MYCBP2: variants seen among roughly 807,000 people sequenced by gnomAD.
MYCBP2 encodes MYC binding protein 2, also known as E3 ubiquitin-protein ligase MYCBP2.
MYCBP2 carries 120 observed loss-of-function variants against 525.3 expected under a neutral mutation model. The ratio of observed to expected loss-of-function variants is 0.23; its 90% CI spans 0.20 to 0.27. MYCBP2 has a LOEUF of 0.27. Ranked by LOEUF, MYCBP2 falls within the 10% of genes least tolerant of loss-of-function variation. MYCBP2 has a pLI of 1.00. For missense variants in MYCBP2, 4,149 were observed against 5,657.1 expected (o/e 0.73, Z 8.55); for synonymous variants, 1,894 against 1,955.8 (o/e 0.97, Z 0.83).
chr13:77,168,576 G>T lies in MYCBP2; in HGVS notation c.5966C>A (p.Ala1989Glu). The change falls in exon 40 of 83, where the codon GCA becomes GAA. Residue 1989 changes from alanine (A) to glutamate (E), a missense_variant. Ala to Glu is a moderately radical substitution (Grantham distance 107). Transcript: ENST00000544440. ...PSVAILNQKY[A>E]PPAFNPNQST... is the part of the protein sequence containing the mutation. ...CTGATTAGGGTTGAAGGCAGGCGGT[G>T]CATACTTCTGATTCAAAATGGCAAC... 6.2e-7 allele frequency: 1 copy of T among 1,614,168 alleles called. No individual in the cohort carries two copies. Among genetic ancestry groups the T allele is most frequent in the Non-Finnish European group, 8.5e-7 (1 of 1,180,030 alleles).
intron 2 of MYCBP2, among the ~76,000 whole-genome samples, chr13:77,294,104 C>CTATATATATATATATATATATATA (rs1197370334): frequency 3.3e-4 from 14 of 41,894 alleles, no homozygotes; most frequent in Admixed American, 6.6e-4. Flanking sequence ...GATATAATGG[C>CTATATATATATATATATATATATA]TATATATATA....
intron 47 of MYCBP2, among the ~76,000 whole-genome samples, chr13:77,147,591 T>C (rs2055808380): frequency 6.6e-6 from 1 of 152,076 alleles, no homozygotes; most frequent in Non-Finnish European, 1.5e-5. Flanking sequence ...TTCATAAAAA[T>C]GAATTAGAAA....
Position 77,095,607 on chromosome 13 carries a change from C to T in MYCBP2, c.9955-5G>A, listed in dbSNP as rs369704783. The T allele has an allele frequency of 5.4e-5, 86 of 1,603,404 alleles. No individual in the cohort carries two copies. The highest frequency in any genetic ancestry group is 3.1e-4 in the African/African-American group (23 of 74,328). On this transcript the variant is annotated splice_polypyrimidine_tract_variant and splice_region_variant and intron_variant, in intron 57 of 82. Transcript: ENST00000544440. ...TTTTCTCCTAGATTGTTTGACCTGGCGAAGAAAAAAATCAAACTAATCTTT... is the reference window on the plus strand; with the variant it reads ...TTTTCTCCTAGATTGTTTGACCTGGTGAAGAAAAAAATCAAACTAATCTTT...
rs142132264 is a variant in MYCBP2, at chr13:77,178,998, A to C, written c.5134-1044T>G. Reference sequence around the variant, plus strand: ...TTCAATCGTCTCTGAGGCCAAACTCAAAGTTAACCAAGAAACTTAGAAAGT... The same window carrying C: ...TTCAATCGTCTCTGAGGCCAAACTCCAAGTTAACCAAGAAACTTAGAAAGT... On this transcript the variant is annotated intron_variant, in intron 34 of 82. Transcript: ENST00000544440. Among the ~76,000 whole-genome samples, 161 of 152,326 alleles carry C rather than the reference A, an allele frequency of 1.1e-3. No individual in the cohort carries two copies. In the East Asian group the frequency reaches 0.019, roughly 18 times the overall value.
At chr13:77,155,184 A>T (rs1334469831) in intron 46 of MYCBP2, among the ~76,000 whole-genome samples, 1 of 152,116 alleles carries the variant, frequency 6.6e-6, no homozygotes, top group African/African-American at 2.4e-5. Flanking sequence ...TCATGTAAGC[A>T]ATGTGTTCTT....
intron 8 of MYCBP2, among the ~76,000 whole-genome samples, chr13:77,267,604 A>G (rs1045828030): frequency 6.6e-6 from 1 of 152,128 alleles, no homozygotes; most frequent in Non-Finnish European, 1.5e-5. Flanking sequence ...GTCAGAGATT[A>G]GGCCATAGAC....
intron 26 of MYCBP2, among the ~76,000 whole-genome samples, chr13:77,198,699 T>C (rs1185418049): frequency 6.6e-6 from 1 of 152,230 alleles, no homozygotes; most frequent in Admixed American, 6.5e-5. Flanking sequence ...TGACTCTCAA[T>C]GATTTTTAGT....
chr13:77,215,163 TC>T (rs1408182488), intron 21 of MYCBP2, among the ~76,000 whole-genome samples: 8 of 152,298 alleles, frequency 5.3e-5, no homozygotes, highest in African/African-American at 1.9e-4. Flanking sequence ...ATGTAAATGT[TC>T]TATATATTTT....
intron 37 of MYCBP2, 60 bp downstream of exon 37, chr13:77,174,251 G>C: frequency 6.5e-7 from 1 of 1,535,120 alleles, no homozygotes; most frequent in Non-Finnish European, 8.9e-7. Context: ...TTACCTGGTA[G>C]TAGACTGTGT....
At chr13:77,247,115 T>A (rs1036853387) in intron 15 of MYCBP2, among the ~76,000 whole-genome samples, 1 of 152,066 alleles carries the variant, frequency 6.6e-6, no homozygotes, top group African/African-American at 2.4e-5. Flanking sequence ...CCAGGGCAAT[T>A]GGACAGGAAA....
intron 17 of MYCBP2, among the ~76,000 whole-genome samples, chr13:77,242,308 G>A (rs1040619464): frequency 6.6e-6 from 1 of 152,106 alleles, no homozygotes; most frequent in Non-Finnish European, 1.5e-5. Context: ...TAGTGATGGG[G>A]TTTCACCATG....
chr13:77,270,647 G>C, intron 5 of MYCBP2, 109 bp from the exon 6 acceptor site: 1 of 1,183,400 alleles, frequency 8.5e-7, no homozygotes, highest in Non-Finnish European at 1.2e-6. Context: ...AAATTGTTCA[G>C]AATGATATTT....
At position 77,177,706 on chromosome 13, in the gene MYCBP2, C is replaced by T. The variant is rs748263435; in HGVS notation, c.5340+42G>A. ...TATGACAATGGTAAATCCTGATACACAACCCACTAATCAGGATAAATACTA... is the reference window on the plus strand; with the variant it reads ...TATGACAATGGTAAATCCTGATACATAACCCACTAATCAGGATAAATACTA... On this transcript the variant is annotated intron_variant, in intron 35 of 82. Coordinates refer to ENST00000544440, the MANE Select transcript of MYCBP2 (RefSeq NM_015057.5). 19 of 1,477,116 alleles carry T rather than the reference C, an allele frequency of 1.3e-5. No individual in the cohort carries two copies. The South Asian group carries it at 1.7e-4, about 13-fold the overall frequency. The allele number at this position is 1,477,116 out of a possible 1,614,324, so 91.5% of individuals were successfully genotyped here.
intron 1 of MYCBP2, among the ~76,000 whole-genome samples, chr13:77,301,422 C>CA (rs11338423): frequency 0.048 from 1,955 of 40,498 alleles, 285 homozygotes; most frequent in African/African-American, 0.16. Flanking sequence ...GACTCCATCT[C>CA]AAAAAAAAAA....
chr13:77,139,172 T>G (rs1156607542), intron 52 of MYCBP2, 24 bp downstream of exon 52: 2 of 1,608,670 alleles, frequency 1.2e-6, no homozygotes, highest in Non-Finnish European at 1.7e-6. Context: ...TCTATAATGC[T>G]TTTTAAAACC....
chr13:77,308,433 T>C (rs1440840456), intron 1 of MYCBP2, among the ~76,000 whole-genome samples: 3 of 152,218 alleles, frequency 2.0e-5, no homozygotes, highest in Admixed American at 2.0e-4. Flanking sequence ...ATACAAGCTC[T>C]GTCATTTACC....
chr13:77,091,836 C>T lies in MYCBP2; in HGVS notation c.10367+1329G>A, dbSNP rs537985719. Reference sequence around the variant, plus strand: ...TCCTAGGCTGAAGCCATCCTCTTGCCTCAGCCTCCTGGATTTTGATCCTAA... The same window carrying T: ...TCCTAGGCTGAAGCCATCCTCTTGCTTCAGCCTCCTGGATTTTGATCCTAA... On this transcript the variant is annotated intron_variant, in intron 59 of 82. Coordinates refer to ENST00000544440, the MANE Select transcript of MYCBP2 (RefSeq NM_015057.5). Among the ~76,000 whole-genome samples, 166 of 152,170 alleles carry T rather than the reference C, an allele frequency of 1.1e-3. 1 individual carries two copies. Among genetic ancestry groups the T allele is most frequent in the Non-Finnish European group, 1.8e-3 (120 of 67,976 alleles).
chr13:77,246,569 G>T (rs993875532), intron 15 of MYCBP2, among the ~76,000 whole-genome samples: 1 of 149,930 alleles, frequency 6.7e-6, no homozygotes, highest in Non-Finnish European at 1.5e-5. Context: ...GGAGGAGAAG[G>T]AGAAGGAGGA....
At chr13:77,061,599 T>C (rs2039311329) in intron 75 of MYCBP2, 63 bp downstream of exon 75, 1 of 1,567,438 alleles carries the variant, frequency 6.4e-7, no homozygotes, top group Non-Finnish European at 8.6e-7. Context: ...ACAAAGCCTC[T>C]TTCACACATT....
Sources: gnomAD v4.1 joint callset for allele counts (sites outside exome capture counted in the v4.1 genomes callset) on GRCh38, gnomAD v4.1.1 for gene constraint, MANE v1.5 for transcripts, NCBI Gene and HGNC (gene_info 2026-07-23, HGNC 2026-07-21) for gene names.